Variants in NCOA1 observed in about 807,000 individuals in gnomAD.
The protein encoded by NCOA1 is Hin-2 protein.
A neutral mutation model predicts 150.9 loss-of-function variants in NCOA1; 35 were observed. The observed-to-expected ratio is 0.23, with a 90% CI of 0.18 to 0.31. The LOEUF (loss-of-function observed/expected upper bound fraction) is 0.31, where lower values mean the gene tolerates loss of function less well. NCOA1 is among the 10% of genes least tolerant of loss of function. The pLI, the probability that NCOA1 is intolerant of heterozygous loss-of-function variation, is 1.00. For missense variants in NCOA1, 1,491 were observed against 1,749.3 expected, an observed-to-expected ratio of 0.85 and a Z score of 2.63; for synonymous variants, 590 against 630.0, an observed-to-expected ratio of 0.94 and a Z score of 0.95.
chr2:24,612,551 A>G (rs981773495), intron 3 of NCOA1, among the ~76,000 whole-genome samples: 1 of 152,152 alleles, frequency 6.6e-6, no homozygotes, highest in African/African-American at 2.4e-5. Flanking sequence ...TGCTTTACAT[A>G]ATCCCATATT....
At chr2:24,676,890 A>G (rs1242199767) in intron 7 of NCOA1, among the ~76,000 whole-genome samples, 1 of 152,206 alleles carries the variant, frequency 6.6e-6, no homozygotes, top group Non-Finnish European at 1.5e-5. Flanking sequence ...GAGCTCGAAG[A>G]CCAGTTAACT....
At chr2:24,552,102 C>CT (rs763100019) in intron 1 of NCOA1, among the ~76,000 whole-genome samples, 1 of 151,632 alleles carries the variant, frequency 6.6e-6, no homozygotes. Flanking sequence ...CTTTGTTCTT[C>CT]TTTTTGAAAA....
intron 1 of NCOA1, among the ~76,000 whole-genome samples, chr2:24,515,489 G>A (rs1360920337): frequency 1.3e-5 from 2 of 152,110 alleles, no homozygotes; most frequent in Non-Finnish European, 2.9e-5. Context: ...CTCCTGCCAC[G>A]GCCTCCTAGA....
intron 1 of NCOA1, among the ~76,000 whole-genome samples, chr2:24,562,756 G>A (rs1337308270): frequency 6.6e-6 from 1 of 152,194 alleles, no homozygotes; most frequent in African/African-American, 2.4e-5. Context: ...GCAAGAAATA[G>A]CATACTATGT....
At chr2:24,499,643 A>G (rs888715366) in intron 1 of NCOA1, among the ~76,000 whole-genome samples, 1 of 152,198 alleles carries the variant, frequency 6.6e-6, no homozygotes, top group African/African-American at 2.4e-5. Context: ...TTGTATAAAT[A>G]TAAGTGTATC....
intron 1 of NCOA1, among the ~76,000 whole-genome samples, chr2:24,513,675 T>C (rs914390325): frequency 6.6e-6 from 1 of 152,216 alleles, no homozygotes; most frequent in African/African-American, 2.4e-5. Flanking sequence ...TCTTCAACTT[T>C]GGAGAATAAT....
At chr2:24,750,331 C>T (rs760039421) in intron 19 of NCOA1, among the ~76,000 whole-genome samples, 9 of 152,096 alleles carry the variant, frequency 5.9e-5, no homozygotes, top group Non-Finnish European at 1.2e-4. Context: ...TGGATATCTA[C>T]CTAATTTCAA....
chr2:24,518,586 G>A (rs955161916), intron 1 of NCOA1, among the ~76,000 whole-genome samples: 3 of 152,114 alleles, frequency 2.0e-5, no homozygotes, highest in Admixed American at 6.5e-5. Flanking sequence ...TCTACGGATA[G>A]ATTCTACAAA....
intron 10 of NCOA1, among the ~76,000 whole-genome samples, chr2:24,694,903 C>G (rs1374868623): frequency 6.6e-6 from 1 of 151,684 alleles, no homozygotes; most frequent in Admixed American, 6.6e-5. Context: ...GAAAATTGGT[C>G]TTTTCTGTCA....
intron 1 of NCOA1, among the ~76,000 whole-genome samples, chr2:24,501,875 C>T (rs1663477439): frequency 6.6e-6 from 1 of 152,170 alleles, no homozygotes. Flanking sequence ...TGGACTGGGA[C>T]CTCAGTAACT....
chr2:24,541,056 CACG>C (rs1665371538), intron 1 of NCOA1, among the ~76,000 whole-genome samples: 1 of 152,080 alleles, frequency 6.6e-6, no homozygotes, highest in Non-Finnish European at 1.5e-5. Flanking sequence ...GAGACAACCA[CACG>C]AAAAAGTGTT....
chr2:24,710,660 T>G (rs1425860263), intron 13 of NCOA1, among the ~76,000 whole-genome samples: 1 of 152,322 alleles, frequency 6.6e-6, no homozygotes, highest in East Asian at 1.9e-4. Context: ...ACATAGATTT[T>G]TGTACCAAGA....
chr2:24,602,084 A>T (rs1668148801), intron 3 of NCOA1, among the ~76,000 whole-genome samples: 1 of 152,176 alleles, frequency 6.6e-6, no homozygotes. Flanking sequence ...TATAATTAAA[A>T]TTTAGGAAGA....
chr2:24,684,936 A>G (rs1297628170), intron 8 of NCOA1, among the ~76,000 whole-genome samples: 1 of 152,162 alleles, frequency 6.6e-6, no homozygotes, highest in Admixed American at 6.5e-5. Flanking sequence ...CTATATTTAA[A>G]CCTTTATTAT....
At chr2:24,561,518 T>G (rs1447060475) in intron 1 of NCOA1, among the ~76,000 whole-genome samples, 1 of 152,130 alleles carries the variant, frequency 6.6e-6, no homozygotes, top group African/African-American at 2.4e-5. Context: ...TTTGGAAAAT[T>G]GTGAAGGACA....
intron 3 of NCOA1, among the ~76,000 whole-genome samples, chr2:24,633,890 A>G (rs11894248): frequency 0.2 from 30,745 of 152,178 alleles, 3,306 homozygotes; most frequent in Non-Finnish European, 0.24. Flanking sequence ...ACAAGATGCT[A>G]TGTATAAGAA....
At chr2:24,690,627 G>A (rs1672618991) in intron 8 of NCOA1, among the ~76,000 whole-genome samples, 1 of 121,996 alleles carries the variant, frequency 8.2e-6, no homozygotes, top group Admixed American at 9.2e-5. Flanking sequence ...ACTCCAGCAT[G>A]GGTGACAAAG....
chr2:24,762,072 C>T (rs1664818489), intron 21 of NCOA1, among the ~76,000 whole-genome samples: 2 of 152,244 alleles, frequency 1.3e-5, no homozygotes, highest in Admixed American at 6.5e-5. Context: ...TAGCTGCATC[C>T]CCTTAACTCA....
At chr2:24,651,799 G>A (rs1670722758) in intron 4 of NCOA1, among the ~76,000 whole-genome samples, 1 of 151,998 alleles carries the variant, frequency 6.6e-6, no homozygotes, top group African/African-American at 2.4e-5. Flanking sequence ...TGTCATTAGT[G>A]ATTAGGGAAA....
Sources: allele counts gnomAD v4.1 joint callset (sites outside exome capture counted in the v4.1 genomes callset), GRCh38; gene constraint gnomAD v4.1.1; transcripts MANE v1.5; gene names NCBI Gene and HGNC (gene_info 2026-07-23, HGNC 2026-07-21).